FRMPD1: variants seen among roughly 807,000 people sequenced by gnomAD.
FRMPD1 encodes the protein FERM and PDZ domain-containing protein 1.
FRMPD1 carries 76 observed loss-of-function variants against 117.8 expected under a neutral mutation model. The ratio of observed to expected loss-of-function variants is 0.65; its 90% CI spans 0.54 to 0.78. FRMPD1 has a LOEUF of 0.78. FRMPD1 is among the 30% of genes least tolerant of loss of function. The probability of loss-of-function intolerance (pLI) is 0.00; values close to 1 mark genes in which losing one functional copy is unlikely to be tolerated. For synonymous variants in FRMPD1, 783 were observed against 770.4 expected, an observed-to-expected ratio of 1.02 and a Z score of -0.27; for missense variants, 1,786 against 1,964.5, an observed-to-expected ratio of 0.91 and a Z score of 1.72.
the FRMPD1 span, among the ~76,000 whole-genome samples, chr9:37,639,097 A>G: frequency 7.2e-5 from 11 of 152,362 alleles, no homozygotes; most frequent in South Asian, 2.3e-3. Flanking sequence ...TACATTTTAA[A>G]TATTATATTT....
At position 37,744,570 on chromosome 9, in the gene FRMPD1, C is replaced by T. The variant is rs1301315743; in HGVS notation, c.2538C>T (p.Tyr846=). Residue 846 remains tyrosine (Y), a synonymous_variant, in exon 16 of 16, where the codon TAC becomes TAT. Transcript: ENST00000377765. ...GAAGGTCTTTCCTACAGACCGACTA[C>T]ACCTCTCAGGTCTCATTTCCCCTGG... ...RKRRSFLQTD[Y]TSQVSFPLVP... is the part of the protein sequence containing the mutation. 1.2e-6 allele frequency: 2 copies of T among 1,614,002 alleles called. No individual in the cohort carries two copies. The highest frequency in any genetic ancestry group is 1.3e-5 in the African/African-American group (1 of 74,918).
intron 2 of FRMPD1, among the ~76,000 whole-genome samples, chr9:37,696,119 G>A (rs1822316136): frequency 9.0e-6 from 1 of 111,190 alleles, no homozygotes; most frequent in Non-Finnish European, 1.7e-5. Context: ...CAGGGATTTT[G>A]CACTTGCTGT....
At chr9:37,611,350 A>C in the FRMPD1 span, among the ~76,000 whole-genome samples, 2 of 152,156 alleles carry the variant, frequency 1.3e-5, no homozygotes, top group Non-Finnish European at 2.9e-5. Context: ...GGACGGCCCC[A>C]CCTGTCAGCA....
chr9:37,745,920 G>A lies in FRMPD1; in HGVS notation c.3888G>A (p.Leu1296=), dbSNP rs142016732. ...GCCTTTCTGCTGAGAAGTCTTTTCT[G>A]TGCTTTGCCCCAGAAAGCCATCCTG... ...SICLSAEKSF[L]CFAPESHPEV... is the part of the protein sequence containing the mutation. Residue 1296 remains leucine (L), a synonymous_variant, in exon 16 of 16, where the codon CTG becomes CTA. Transcript: ENST00000377765. 11 of 1,614,120 alleles carry A rather than the reference G, an allele frequency of 6.8e-6. No homozygotes were observed. In the African/African-American group the frequency reaches 1.1e-4, roughly 16 times the overall value.
At chr9:37,729,495 C>G (rs1384607983) in intron 7 of FRMPD1, among the ~76,000 whole-genome samples, 1 of 150,998 alleles carries the variant, frequency 6.6e-6, no homozygotes, top group Non-Finnish European at 1.5e-5. Flanking sequence ...TTCAGCCTTC[C>G]AAGTAAAGCA....
chr9:37,686,241 A>C (rs10122230), intron 1 of FRMPD1, among the ~76,000 whole-genome samples: 1 of 152,086 alleles, frequency 6.6e-6, no homozygotes, highest in Non-Finnish European at 1.5e-5. Flanking sequence ...TCCAGAAAAG[A>C]AGCTGATTTA....
the FRMPD1 span, among the ~76,000 whole-genome samples, chr9:37,627,238 TG>T: frequency 1.3e-5 from 2 of 152,214 alleles, no homozygotes; most frequent in African/African-American, 4.8e-5. Flanking sequence ...CCTCCTTCTT[TG>T]TTCAAGAACC....
the FRMPD1 span, among the ~76,000 whole-genome samples, chr9:37,633,181 A>G: frequency 6.7e-6 from 1 of 149,390 alleles, no homozygotes; most frequent in Non-Finnish European, 1.5e-5. Context: ...CTGGGATTAC[A>G]GGCACCTGCC....
chr9:37,702,989 G>A (rs1020525803), intron 2 of FRMPD1, among the ~76,000 whole-genome samples: 1 of 152,062 alleles, frequency 6.6e-6, no homozygotes, highest in African/African-American at 2.4e-5. Context: ...TAAGAGCCAG[G>A]GTTTATTGAA....
chr9:37,726,798 C>T (rs1050731833), intron 7 of FRMPD1, among the ~76,000 whole-genome samples: 1 of 152,092 alleles, frequency 6.6e-6, no homozygotes, highest in Non-Finnish European at 1.5e-5. Context: ...GAGATGAGAT[C>T]TGGGGACAAC....
chr9:37,741,619 C>CCAGAT (rs1236439424), intron 15 of FRMPD1, among the ~76,000 whole-genome samples: 1 of 152,170 alleles, frequency 6.6e-6, no homozygotes, highest in East Asian at 1.9e-4. Flanking sequence ...TCCTCTATTC[C>CCAGAT]CAGACCTCCT....
At chr9:37,732,539 C>A in intron 10 of FRMPD1, 99 bp downstream of exon 10, 1 of 1,165,960 alleles carries the variant, frequency 8.6e-7, no homozygotes, top group Non-Finnish European at 1.2e-6. Context: ...ACCCACCTAC[C>A]CATCTGTCTG....
At chr9:37,617,923 A>C in the FRMPD1 span, among the ~76,000 whole-genome samples, 16 of 152,122 alleles carry the variant, frequency 1.1e-4, no homozygotes, top group African/African-American at 3.9e-4. Context: ...ATGAGAGCCC[A>C]TTCTTTGCAT....
At chr9:37,717,335 GTATATA>G (rs1176992185) in intron 5 of FRMPD1, among the ~76,000 whole-genome samples, 44 of 100,344 alleles carry the variant, frequency 4.4e-4, no homozygotes, top group African/African-American at 1.1e-3. Context: ...GTGTGTATGT[GTATATA>G]TGTGTGTGTG....
intron 5 of FRMPD1, among the ~76,000 whole-genome samples, chr9:37,718,409 C>G (rs1234674818): frequency 1.3e-5 from 2 of 152,200 alleles, no homozygotes; most frequent in Non-Finnish European, 2.9e-5. Flanking sequence ...GCCTGTTGGT[C>G]TAGAAGATCA....
At chr9:37,656,273 T>C (rs1041635675) in intron 1 of FRMPD1, among the ~76,000 whole-genome samples, 3 of 152,224 alleles carry the variant, frequency 2.0e-5, no homozygotes, top group African/African-American at 7.2e-5. Flanking sequence ...GGTTGTCAGC[T>C]GAACTCACTC....
At chr9:37,635,243 A>C in the FRMPD1 span, among the ~76,000 whole-genome samples, 2 of 152,200 alleles carry the variant, frequency 1.3e-5, no homozygotes, top group African/African-American at 2.4e-5. Context: ...GAAAGCACTC[A>C]AAATTTCTTT....
chr9:37,636,703 G>A, the FRMPD1 span: 1 of 1,564,740 alleles, frequency 6.4e-7, no homozygotes, highest in South Asian at 1.2e-5. Context: ...AACAACCACC[G>A]CCAGCCGGCT....
the FRMPD1 span, among the ~76,000 whole-genome samples, chr9:37,615,138 G>T: frequency 6.6e-6 from 1 of 151,786 alleles, no homozygotes; most frequent in Non-Finnish European, 1.5e-5. Flanking sequence ...GTGACACAGG[G>T]GTCTCACTCT....
Sources: allele counts gnomAD v4.1 joint callset (sites outside exome capture counted in the v4.1 genomes callset), GRCh38; gene constraint gnomAD v4.1.1; transcripts MANE v1.5; gene names NCBI Gene and HGNC (gene_info 2026-07-23, HGNC 2026-07-21).